Variants in COL2A1 observed in about 807,000 individuals in gnomAD.
The protein encoded by COL2A1 is collagen type II alpha 1 chain.
In COL2A1, 28 loss-of-function variants were observed where a neutral mutation model predicts 204.5. The observed-to-expected ratio is 0.14, with a 90% confidence interval of 0.10 to 0.19. COL2A1 has a LOEUF of 0.19. Among genes scored for constraint, COL2A1 ranks in the 10% least tolerant of loss-of-function variants. The pLI is 1.00. For missense variants in COL2A1, 1,388 were observed against 2,027.5 expected, an observed-to-expected ratio of 0.68 and a Z score of 6.06; for synonymous variants, 708 against 718.7, an observed-to-expected ratio of 0.99 and a Z score of 0.24.
At position 47,983,423 on chromosome 12, in the gene COL2A1, G is replaced by T; in HGVS notation, c.2011C>A (p.Pro671Thr). Reference sequence around the variant, plus strand: ...TTTCCACCTTCACCTGGGGGACCAGGAGGGCCAGGAAGTCCCTAGAAGCCG... The same window carrying T: ...TTTCCACCTTCACCTGGGGGACCAGTAGGGCCAGGAAGTCCCTAGAAGCCG... The part of the protein sequence containing the change: ...PSGFQGLPGP[P>T]GPPGEGGKPG... The change falls in exon 31 of 54, where the codon CCT becomes ACT. Residue 671 changes from proline to threonine, a missense_variant. Physicochemically the swap from Pro to Thr is conservative, Grantham distance 38. Around this residue, in one of 3 missense-constraint regions of COL2A1, gnomAD observed 884 missense variants for 1,415.8 expected, o/e 0.62. Coordinates refer to ENST00000380518, the MANE Select transcript of COL2A1 (RefSeq NM_001844.5). The T allele has an allele frequency of 6.2e-7, 1 of 1,614,164 alleles. No homozygotes were observed. Among genetic ancestry groups the T allele is most frequent in the East Asian group, 2.2e-5 (1 of 44,868 alleles).
intron 12 of COL2A1, among the ~76,000 whole-genome samples, 155 bp downstream of exon 12, chr12:47,994,269 C>G (rs576519294): frequency 6.6e-6 from 1 of 152,288 alleles, no homozygotes; most frequent in African/African-American, 2.4e-5. Context: ...CTCATGAGAG[C>G]CTGAGTGGAA....
chr12:47,976,783 G>C lies in COL2A1; in HGVS notation c.3435+29C>G. 1 of 1,593,090 alleles carries C rather than the reference G, an allele frequency of 6.3e-7. No homozygotes were observed. Among genetic ancestry groups the C allele is most frequent in the Non-Finnish European group, 8.6e-7 (1 of 1,164,984 alleles). On this transcript the variant is annotated intron_variant, in intron 48 of 53. Coordinates refer to ENST00000380518, the MANE Select transcript of COL2A1 (RefSeq NM_001844.5). This position sits in a 1 kb window ranked among gnomAD's most constrained non-coding sequence, Gnocchi z 4.3. ...GGGCTCTGTGTGGCAGGAGGCCTCG[G>C]GAAGTCCCACGCAGGCAGTGACACT...
At chr12:47,984,932 C>T in intron 27 of COL2A1, 63 bp downstream of exon 27, 1 of 1,397,604 alleles carries the variant, frequency 7.2e-7, no homozygotes, top group Admixed American at 1.8e-5. Context: ...GCCCTTTCCC[C>T]AAGAGGGCAG....
intron 22 of COL2A1, 76 bp downstream of exon 22, chr12:47,986,759 G>T (rs1397292915): frequency 1.3e-6 from 2 of 1,525,640 alleles, no homozygotes; most frequent in African/African-American, 2.7e-5. Flanking sequence ...GAGGGAGGTG[G>T]TGGGTCAGTG....
Position 47,999,949 on chromosome 12 carries a change from T to C in COL2A1, c.262A>G (p.Ile88Val), listed in dbSNP as rs760745824. 4 of 1,614,062 alleles carry C rather than the reference T, an allele frequency of 2.5e-6. No homozygotes were observed. The highest frequency in any genetic ancestry group is 3.4e-6 in the Non-Finnish European group (4 of 1,180,032). Residue 88 changes from isoleucine (I) to valine (V), a missense_variant, in exon 2 of 54, where the codon ATC (isoleucine) becomes GTC (valine). Around this residue, in one of 3 missense-constraint regions of COL2A1, gnomAD observed 201 missense variants for 242.4 expected, o/e 0.83. Transcript: ENST00000380518. ...GCAGTGGCGAGGTCAGTTGGGCAGA[T>C]GGGGCAGCACTCTCCGAAGGGGATC... The part of the protein sequence containing the change: ...PEIPFGECCP[I>V]CPTDLATASG...
Position 48,000,118 on chromosome 12 carries a change from A to C in COL2A1, c.93T>G (p.Ala31=). ...TCTGCCCATCCTGCACACAGCTGCC[A>C]GCCTCCTCTGCACCAAGGGTGGGGA... The part of the protein sequence containing the change: ...LRCQGQDVQE[A]GSCVQDGQRY... Residue 31 remains alanine, a synonymous_variant, in exon 2 of 54, where the codon GCT becomes GCG. Coordinates refer to ENST00000380518, the MANE Select transcript of COL2A1 (RefSeq NM_001844.5). The C allele has an allele frequency of 6.2e-7, 1 of 1,612,570 alleles. No individual in the cohort carries two copies.
intron 4 of COL2A1, 46 bp from the exon 5 acceptor site, chr12:47,998,110 A>G (rs1208925253): frequency 6.2e-7 from 1 of 1,614,208 alleles, no homozygotes; most frequent in South Asian, 1.1e-5. Context: ...GGAGAGCACA[A>G]GGAAATGACC....
chr12:47,976,139 G>T lies in COL2A1; in HGVS notation c.3490-69C>A. 1 of 1,113,220 alleles carries T rather than the reference G, an allele frequency of 9.0e-7. No individual in the cohort carries two copies. Among genetic ancestry groups the T allele is most frequent in the East Asian group, 2.3e-5 (1 of 42,584 alleles). The allele number at this position is 1,113,220 out of a possible 1,614,324, so 69.0% of individuals were successfully genotyped here. On this transcript the variant is annotated intron_variant, in intron 49 of 53. Transcript: ENST00000380518. This position sits in a 1 kb window ranked among gnomAD's most constrained non-coding sequence, Gnocchi z 4.3. ...GAAGGCTGGGGAGTCGCTGGGGCTG[G>T]GTAGGTGGCTGTCCTGATAGCACCA...
chr12:47,991,069 G>A (rs1939678199), intron 16 of COL2A1, among the ~76,000 whole-genome samples: 1 of 152,252 alleles, frequency 6.6e-6, no homozygotes, highest in South Asian at 2.1e-4. Flanking sequence ...TAAGAGGAAA[G>A]CAAGAGAAAA....
At chr12:47,974,033 CCCTGCT>C in intron 53 of COL2A1, 50 bp downstream of exon 53, 1 of 1,613,780 alleles carries the variant, frequency 6.2e-7, no homozygotes, top group Non-Finnish European at 8.5e-7. Flanking sequence ...CAACCCTCAG[CCCTGCT>C]CCAGGCGGTT....
At chr12:48,000,253 C>T in intron 1 of COL2A1, 128 bp from the exon 2 acceptor site, 2 of 701,444 alleles carry the variant, frequency 2.9e-6, no homozygotes, top group Non-Finnish European at 5.2e-6. Context: ...AGGCTGGGGC[C>T]ACCTGGACAT....
At position 47,993,908 on chromosome 12, in the gene COL2A1, A is replaced by G. The variant is rs139807395; in HGVS notation, c.871-46T>C. The G allele has an allele frequency of 4.3e-4, 700 of 1,613,892 alleles. No individual in the cohort carries two copies. In the African/African-American group the frequency reaches 8.5e-3, roughly 20 times the overall value. On this transcript the variant is annotated intron_variant, in intron 13 of 53. Transcript: ENST00000380518. ...TTCAATCAGACTTCTGGGAAACCCA[A>G]GTTGGAAGAAATGCACGCACCCCAA... is the stretch of plus-strand genomic sequence containing the variant.
intron 37 of COL2A1, 126 bp downstream of exon 37, chr12:47,981,217 A>G: frequency 9.4e-7 from 1 of 1,063,830 alleles, no homozygotes; most frequent in African/African-American, 1.6e-5. Flanking sequence ...CCCAGCGGGT[A>G]GGGAGGGAGC....
intron 18 of COL2A1, among the ~76,000 whole-genome samples, chr12:47,988,939 C>T (rs1939571840): frequency 6.6e-6 from 1 of 152,280 alleles, no homozygotes; most frequent in African/African-American, 2.4e-5. Flanking sequence ...CCTTCTGCCC[C>T]TGCCAGGCCT....
In COL2A1 at chr12:47,977,375, G is replaced by A; in HGVS notation, c.3218C>T (p.Pro1073Leu). The part of the protein sequence containing the change: ...AVGAPGAPGP[P>L]GSPGPAGPTG... ...TGGACCAGCGGGGCCAGGGGAGCCA[G>A]GGGGCCCAGGGGCTCCAGGAGCTCC... The change falls in exon 46 of 54, where the codon CCT becomes CTT. Residue 1073 changes from proline (P) to leucine (L), a missense_variant. Coordinates refer to ENST00000380518, the MANE Select transcript of COL2A1 (RefSeq NM_001844.5). 1.2e-6 allele frequency: 2 copies of A among 1,613,204 alleles called. No individual in the cohort carries two copies. The highest frequency in any genetic ancestry group is 1.7e-6 in the Non-Finnish European group (2 of 1,179,370).
Position 47,994,042 on chromosome 12 carries a change from A to C in COL2A1, c.822T>G (p.Ala274=). 1 of 1,614,026 alleles carries C rather than the reference A, an allele frequency of 6.2e-7. No homozygotes were observed. Among genetic ancestry groups the C allele is most frequent in the Non-Finnish European group, 8.5e-7 (1 of 1,180,016 alleles). Residue 274 remains alanine (A), a synonymous_variant, in exon 13 of 54, where the codon GCT becomes GCG. Transcript: ENST00000380518. ...GGCCTGGGGTTCCTGGGAAACCACG[A>C]GCACCCTGCAATCCAAAGTGGAGGT... The part of the protein sequence containing the change: ...GERGPPGPQG[A]RGFPGTPGLP...
At chr12:47,992,288 A>C (rs763593598) in intron 16 of COL2A1, among the ~76,000 whole-genome samples, 7 of 152,132 alleles carry the variant, frequency 4.6e-5, no homozygotes, top group Non-Finnish European at 8.8e-5. Context: ...ATTTATCTTA[A>C]GCTATTTCAC....
Position 47,993,806 on chromosome 12 carries a change from C to A in COL2A1, c.924+3G>T. 6.2e-7 allele frequency: 1 copy of A among 1,614,010 alleles called. No homozygotes were observed. Among genetic ancestry groups the A allele is most frequent in the Non-Finnish European group, 8.5e-7 (1 of 1,179,990 alleles). On this transcript the variant is annotated splice_donor_region_variant and intron_variant, in intron 14 of 53. Coordinates refer to ENST00000380518, the MANE Select transcript of COL2A1 (RefSeq NM_001844.5). The stretch of plus-strand genomic sequence containing the variant: ...CATCCCATTGTACTTTCTGGCCTCT[C>A]ACCTTCACACCAGGAGCACCCGCCT...
At chr12:48,001,493 T>C (rs1259729018) in intron 1 of COL2A1, among the ~76,000 whole-genome samples, 1 of 151,386 alleles carries the variant, frequency 6.6e-6, no homozygotes, top group Non-Finnish European at 1.5e-5. Flanking sequence ...GGGCATCGGT[T>C]AATGCGCTCC....
Sources: allele counts gnomAD v4.1 joint callset (sites outside exome capture counted in the v4.1 genomes callset), GRCh38; gene constraint gnomAD v4.1.1; regional missense constraint gnomAD v4.1.1; non-coding constraint Gnocchi (gnomAD v3.1); transcripts MANE v1.5; gene names NCBI Gene and HGNC (gene_info 2026-07-23, HGNC 2026-07-21).